The following RIPOR3 variants were observed in gnomAD, a reference collection of about 807,000 sequenced individuals.
RIPOR3 encodes the protein family with sequence similarity 65 member C.
A neutral mutation model predicts 114.3 loss-of-function variants in RIPOR3; 95 were observed. That is an observed-to-expected ratio of 0.83 (90% CI 0.70 to 0.99). The LOEUF is 0.99. Ranked by LOEUF, RIPOR3 falls within the 50% of genes least tolerant of loss-of-function variation. The pLI, the probability that RIPOR3 is intolerant of heterozygous loss-of-function variation, is 0.00. For missense variants in RIPOR3, 1,252 were observed against 1,266.9 expected (o/e 0.99, Z 0.18); for synonymous variants, 575 against 543.8 (o/e 1.06, Z -0.80).
chr20:50,650,567 G>A (rs2085565559), intron 1 of RIPOR3, among the ~76,000 whole-genome samples: 1 of 152,170 alleles, frequency 6.6e-6, no homozygotes, highest in African/African-American at 2.4e-5. Flanking sequence ...GCCTCCCAAA[G>A]TGTTGGGATT....
chr20:50,683,265 A>G (rs1286724882), intron 1 of RIPOR3, among the ~76,000 whole-genome samples: 1 of 152,180 alleles, frequency 6.6e-6, no homozygotes, highest in Non-Finnish European at 1.5e-5. Context: ...ATGGGAAAAG[A>G]GTTCGGAAGT....
intron 2 of RIPOR3, among the ~76,000 whole-genome samples, chr20:50,628,209 A>G (rs1470535113): frequency 6.6e-6 from 1 of 151,862 alleles, no homozygotes; most frequent in African/African-American, 2.4e-5. Context: ...GGCAGCACCC[A>G]CTCTTTCTGT....
At chr20:50,640,397 G>T (rs2085145657) in intron 1 of RIPOR3, among the ~76,000 whole-genome samples, 1 of 149,592 alleles carries the variant, frequency 6.7e-6, no homozygotes, top group Non-Finnish European at 1.5e-5. Flanking sequence ...CTGTGGCACG[G>T]CTGCAAGGGA....
At chr20:50,673,069 G>A (rs567621637) in intron 1 of RIPOR3, among the ~76,000 whole-genome samples, 2 of 152,352 alleles carry the variant, frequency 1.3e-5, no homozygotes, top group South Asian at 2.1e-4. Flanking sequence ...CCCTGAGGCA[G>A]GTCCAGGAGA....
At chr20:50,630,918 C>T in intron 1 of RIPOR3, 62 bp from the exon 2 acceptor site, 1 of 1,335,868 alleles carries the variant, frequency 7.5e-7, no homozygotes, top group Non-Finnish European at 1.0e-6. Context: ...CGTCCGCAGG[C>T]CAGCCACCTT....
chr20:50,587,694 A>G (rs2122835662), intron 21 of RIPOR3, 108 bp downstream of exon 21: 3 of 1,037,962 alleles, frequency 2.9e-6, no homozygotes, highest in East Asian at 2.5e-5. Flanking sequence ...TGCCCATCCC[A>G]GGTGCCCCAG....
rs1052228914 is a variant in RIPOR3, at chr20:50,615,875, G to A, written c.348+127C>T. The A allele has an allele frequency of 4.7e-6, 4 of 847,888 alleles. No homozygotes were observed. The African/African-American group carries it at 6.8e-5, about 14-fold the overall frequency. 52.5% of individuals were successfully genotyped at this position (847,888 alleles called of 1,614,324 possible). On this transcript the variant is annotated intron_variant, in intron 4 of 21. Transcript: ENST00000327979. ...AGTTAACTCAGTGCAACGTGAAGAGGCTATTCCATAAACCTCTAGTTCTGA... is the reference window on the plus strand; with the variant it reads ...AGTTAACTCAGTGCAACGTGAAGAGACTATTCCATAAACCTCTAGTTCTGA...
intron 1 of RIPOR3, among the ~76,000 whole-genome samples, chr20:50,633,586 G>C (rs1034559740): frequency 6.6e-6 from 1 of 152,066 alleles, no homozygotes; most frequent in Non-Finnish European, 1.5e-5. Flanking sequence ...ACGTACTCCG[G>C]AGCCAGCCTG....
chr20:50,672,869 G>A (rs2086565213), intron 1 of RIPOR3, among the ~76,000 whole-genome samples: 1 of 152,240 alleles, frequency 6.6e-6, no homozygotes, highest in Non-Finnish European at 1.5e-5. Context: ...TGAGCAGAAG[G>A]GGATGTGAAG....
chr20:50,605,601 C>T (rs2083680545), intron 11 of RIPOR3, among the ~76,000 whole-genome samples: 2 of 150,936 alleles, frequency 1.3e-5, no homozygotes, highest in Admixed American at 1.3e-4. Context: ...AAACCCCCGT[C>T]TCTACAAAAA....
rs577552810 is a variant in RIPOR3, at chr20:50,629,275, G to A, written c.122+1463C>T. ...TTGTTGACTGACTCACTGACCTACT[G>A]AGTTCTGCACTCTGCTCTGGCTGGG... On this transcript the variant is annotated intron_variant, in intron 2 of 21. Coordinates refer to ENST00000327979, the MANE Select transcript of RIPOR3 (RefSeq NM_001290268.2). Among the ~76,000 whole-genome samples, 16 of 152,312 alleles carry A rather than the reference G, an allele frequency of 1.1e-4. No homozygotes were observed. The East Asian group carries it at 1.9e-3, about 18-fold the overall frequency.
At position 50,638,878 on chromosome 20, in the gene RIPOR3, C is replaced by A. The variant is rs145896456; in HGVS notation, c.4-8022G>T. Among the ~76,000 whole-genome samples, 840 of 152,198 alleles carry A rather than the reference C, an allele frequency of 5.5e-3. 36 individuals carry two copies. The highest frequency in any genetic ancestry group is 0.048 in the Admixed American group (733 of 15,272). On this transcript the variant is annotated intron_variant, in intron 1 of 21. Coordinates refer to ENST00000327979, the MANE Select transcript of RIPOR3 (RefSeq NM_001290268.2). ...AGCATTTGGAGCCTGGAGAGAGACC[C>A]CTGACACTGAGGGAGTGAGGTGACC... is the stretch of plus-strand genomic sequence containing the variant.
At chr20:50,663,316 C>T (rs147218586) in intron 1 of RIPOR3, among the ~76,000 whole-genome samples, 114 of 152,252 alleles carry the variant, frequency 7.5e-4, no homozygotes, top group Middle Eastern at 3.4e-3. Flanking sequence ...CTGGCTACAA[C>T]GTGCTTAATG....
Position 50,604,699 on chromosome 20 carries a change from G to T in RIPOR3, c.1032C>A (p.Ser344=). The T allele has an allele frequency of 6.2e-7, 1 of 1,609,418 alleles. No individual in the cohort carries two copies. The highest frequency in any genetic ancestry group is 1.1e-5 in the South Asian group (1 of 90,736). ...GKFSMGSRKG[S]LYNWTPPSTP... ...TGCTCGGGGGTGTCCAGTTGTACAA[G>T]GAGCCCTTCCTGCTGCCCATAGAAA... The change falls in exon 12 of 22, where the codon TCC becomes TCA. Residue 344 remains serine (S), a synonymous_variant. Transcript: ENST00000327979.
rs761866825 is a variant in RIPOR3, at chr20:50,620,110, C to T, written c.145G>A (p.Val49Met). The part of the protein sequence containing the change: ...RIAKSINRNS[V>M]RSRMPAKSSK... ...GATTTTGCAGGCATTCGCGATCTCA[C>T]GGAGTTCCTGTTGATGGACTTTCTG... is the stretch of plus-strand genomic sequence containing the variant. The change falls in exon 3 of 22, where the codon GTG becomes ATG. Residue 49 changes from valine to methionine, a missense_variant. Val to Met is a conservative substitution (Grantham distance 21, BLOSUM62 1). Coordinates refer to ENST00000327979, the MANE Select transcript of RIPOR3 (RefSeq NM_001290268.2). The T allele has an allele frequency of 2.5e-5, 40 of 1,614,078 alleles. No homozygotes were observed. Among genetic ancestry groups the T allele is most frequent in the Non-Finnish European group, 3.0e-5 (35 of 1,180,014 alleles).
intron 1 of RIPOR3, among the ~76,000 whole-genome samples, chr20:50,636,385 G>T (rs1294024811): frequency 6.6e-6 from 1 of 152,176 alleles, no homozygotes; most frequent in African/African-American, 2.4e-5. Context: ...GCTGGGGCTG[G>T]CATTAACCCT....
At chr20:50,632,093 C>T (rs989381593) in intron 1 of RIPOR3, among the ~76,000 whole-genome samples, 2 of 152,160 alleles carry the variant, frequency 1.3e-5, no homozygotes, top group Admixed American at 6.6e-5. Flanking sequence ...CTTCCTGTAT[C>T]GAGCCACATC....
At chr20:50,635,796 G>T (rs2084964054) in intron 1 of RIPOR3, among the ~76,000 whole-genome samples, 1 of 152,232 alleles carries the variant, frequency 6.6e-6, no homozygotes, top group South Asian at 2.1e-4. Context: ...GGGCGCGCTG[G>T]ACTCCAAAGC....
In RIPOR3 at chr20:50,587,138, G is replaced by C. The variant is rs886385628; in HGVS notation, c.*94C>G. On this transcript the variant is annotated 3_prime_UTR_variant, in exon 22 of 22. Coordinates refer to ENST00000327979, the MANE Select transcript of RIPOR3 (RefSeq NM_001290268.2). ...CTGGGCAGCTCACACTCCTGGAGGAGTGCACAGCACCATTACCCAGAGTGC... is the reference window on the plus strand; with the variant it reads ...CTGGGCAGCTCACACTCCTGGAGGACTGCACAGCACCATTACCCAGAGTGC... 7 of 944,092 alleles carry C rather than the reference G, an allele frequency of 7.4e-6. No individual in the cohort carries two copies. In the South Asian group the frequency reaches 8.6e-5, roughly 12 times the overall value. 58.5% of individuals were successfully genotyped at this position (944,092 alleles called of 1,614,324 possible). A position where few individuals can be genotyped will look rare whatever the true frequency, so the allele number is the denominator to read the frequency against.
Sources: gnomAD v4.1 joint callset for allele counts (sites outside exome capture counted in the v4.1 genomes callset) on GRCh38, gnomAD v4.1.1 for gene constraint, MANE v1.5 for transcripts, NCBI Gene and HGNC (gene_info 2026-07-23, HGNC 2026-07-21) for gene names.